KMT2E: variants seen among roughly 807,000 people sequenced by gnomAD.
KMT2E encodes the protein histone reader KMT2E.
A neutral mutation model predicts 184.6 loss-of-function variants in KMT2E; 30 were observed. The observed-to-expected ratio is 0.16, with a 90% CI of 0.12 to 0.22. The LOEUF is 0.22. Ranked by LOEUF, KMT2E falls within the 10% of genes least tolerant of loss-of-function variation. The pLI, the probability that KMT2E is intolerant of heterozygous loss-of-function variation, is 1.00. For missense variants in KMT2E, 2,023 were observed against 2,237.4 expected (o/e 0.90, Z 1.93); for synonymous variants, 815 against 776.5 (o/e 1.05, Z -0.82).
At chr7:105,035,022 AT>A (rs981054177) in intron 1 of KMT2E, among the ~76,000 whole-genome samples, 8,522 of 129,678 alleles carry the variant, frequency 0.066, 191 homozygotes, top group Middle Eastern at 0.1. Flanking sequence ...CACCTGGCTA[AT>A]TTTTTTTTTT....
intron 1 of KMT2E, among the ~76,000 whole-genome samples, chr7:105,034,213 A>G (rs1795540987): frequency 6.6e-6 from 1 of 152,242 alleles, no homozygotes; most frequent in East Asian, 1.9e-4. Context: ...TTGTGGTACA[A>G]TGTCCTGACT....
chr7:105,055,761 C>G (rs1030892507), intron 3 of KMT2E, among the ~76,000 whole-genome samples: 1 of 152,198 alleles, frequency 6.6e-6, no homozygotes, highest in Non-Finnish European at 1.5e-5. Flanking sequence ...TTTGCCTTCT[C>G]TATTTCATGG....
chr7:105,030,442 C>T (rs2129564517), intron 1 of KMT2E, among the ~76,000 whole-genome samples: 1 of 152,234 alleles, frequency 6.6e-6, no homozygotes, highest in African/African-American at 2.4e-5. Flanking sequence ...AAAAGACTTG[C>T]ATAATCAAAG....
intron 1 of KMT2E, among the ~76,000 whole-genome samples, chr7:105,024,466 G>T (rs1048202116): frequency 1.3e-5 from 2 of 152,166 alleles, no homozygotes; most frequent in Non-Finnish European, 2.9e-5. Flanking sequence ...CTGAAGTTAA[G>T]AATCTACATT....
chr7:105,084,766 T>C (rs1276219811), intron 13 of KMT2E, among the ~76,000 whole-genome samples: 1 of 152,174 alleles, frequency 6.6e-6, no homozygotes, highest in African/African-American at 2.4e-5. Flanking sequence ...GCATTTTACA[T>C]AGACACTCCC....
In KMT2E at chr7:105,081,710, G is replaced by A; in HGVS notation, c.1271G>A (p.Gly424Glu). ...TAGGTGAGGCATGAAATTCAAGATGGAACCATACATCTTTATATTTATTCT... is the reference window on the plus strand; with the variant it reads ...TAGGTGAGGCATGAAATTCAAGATGAAACCATACATCTTTATATTTATTCT... ...NAEVRHEIQD[G>E]TIHLYIYSIH... The change falls in exon 13 of 27, where the codon GGA becomes GAA. Residue 424 changes from glycine to glutamate, a missense_variant. Transcript: ENST00000311117. The A allele has an allele frequency of 6.7e-7, 1 of 1,489,918 alleles. No individual in the cohort carries two copies. The highest frequency in any genetic ancestry group is 2.4e-5 in the East Asian group (1 of 42,546). The allele number at this position is 1,489,918 out of a possible 1,614,324, so 92.3% of individuals were successfully genotyped here.
In KMT2E at chr7:105,016,393, G is replaced by T. The variant is rs140056659; in HGVS notation, c.-189+1858G>T. On this transcript the variant is annotated intron_variant, in intron 1 of 26. Transcript: ENST00000311117. ...CATCATTATGTAAGTTAAAAGTAAG[G>T]CTCCGATTCTGGATTTTTTTCCTCT... is the stretch of plus-strand genomic sequence containing the variant. 6.0e-3 allele frequency among the ~76,000 whole-genome samples: 907 copies of T among 152,216 alleles called. 4 individuals are homozygous for T. Among genetic ancestry groups the T allele is most frequent in the African/African-American group, 0.016 (674 of 41,522 alleles).
chr7:105,078,918 G>A lies in KMT2E; in HGVS notation c.1203G>A (p.Gly401=), dbSNP rs935310107. 3 of 1,612,038 alleles carry A rather than the reference G, an allele frequency of 1.9e-6. No homozygotes were observed. Among genetic ancestry groups the A allele is most frequent in the Non-Finnish European group, 8.5e-7 (1 of 1,178,442 alleles). The stretch of plus-strand genomic sequence containing the variant: ...TGTGTGTTGATGCAAGGACTTTTGG[G>A]AATGAGGCTCGATTCATCAGGCGGT... ...LEMCVDARTF[G]NEARFIRRSC... is the part of the protein sequence containing the mutation. The change falls in exon 12 of 27, where the codon GGG becomes GGA. Residue 401 remains glycine (G), a synonymous_variant. Transcript: ENST00000311117.
chr7:105,028,626 T>A (rs76527317), intron 1 of KMT2E, among the ~76,000 whole-genome samples: 6,546 of 152,082 alleles, frequency 0.043, 496 homozygotes, highest in African/African-American at 0.15. Flanking sequence ...CTAGCTTACC[T>A]CAGGTGTTCA....
intron 3 of KMT2E, among the ~76,000 whole-genome samples, chr7:105,051,484 T>C (rs528602352): frequency 6.6e-6 from 1 of 152,182 alleles, no homozygotes; most frequent in African/African-American, 2.4e-5. Flanking sequence ...TGCCCCTGCA[T>C]CATCTATTTC....
intron 2 of KMT2E, among the ~76,000 whole-genome samples, chr7:105,039,791 A>G (rs1343533443): frequency 2.0e-5 from 3 of 152,192 alleles, no homozygotes; most frequent in African/African-American, 7.2e-5. Context: ...ATTACATTAC[A>G]GAGACAAGGA....
chr7:105,071,606 ATATTTTTTTT>A (rs1360847401), intron 6 of KMT2E, among the ~76,000 whole-genome samples: 40 of 58,678 alleles, frequency 6.8e-4, no homozygotes, highest in African/African-American at 2.9e-3. Context: ...ATATATATAT[ATATTTTTTTT>A]TTTTTTTTTT....
Position 105,110,780 on chromosome 7 carries a change from C to A in KMT2E, c.3980C>A (p.Pro1327His). Residue 1327 changes from proline (P) to histidine (H), a missense_variant, in exon 26 of 27, where the codon CCT becomes CAT. Transcript: ENST00000311117. ...SFSELMEDPD[P>H]ENPEPTTTNE... Reference sequence around the variant, plus strand: ...TTCTTCTGCTTTATAGACCCTGATCCTGAAAATCCAGAACCCACAACTACG... The same window carrying A: ...TTCTTCTGCTTTATAGACCCTGATCATGAAAATCCAGAACCCACAACTACG... 6.2e-7 allele frequency: 1 copy of A among 1,613,720 alleles called. No homozygotes were observed. The highest frequency in any genetic ancestry group is 1.1e-5 in the South Asian group (1 of 91,080).
intron 12 of KMT2E, among the ~76,000 whole-genome samples, chr7:105,080,454 G>A (rs1418461381): frequency 6.6e-6 from 1 of 151,148 alleles, no homozygotes; most frequent in African/African-American, 2.4e-5. Context: ...AGGCTGGCCT[G>A]GAACTCCTGG....
At chr7:105,050,011 C>T (rs1208509797) in intron 3 of KMT2E, among the ~76,000 whole-genome samples, 1 of 152,206 alleles carries the variant, frequency 6.6e-6, no homozygotes, top group East Asian at 1.9e-4. Context: ...TTCCCTCTTG[C>T]CTGCAGTCAT....
At chr7:105,101,386 T>C (rs58469240) in intron 15 of KMT2E, 39 bp from the exon 16 acceptor site, 11 of 1,374,902 alleles carry the variant, frequency 8.0e-6, no homozygotes, top group African/African-American at 1.5e-5. Flanking sequence ...CTTTTGAGCA[T>C]TGATATTTAT....
rs756893449 is a variant in KMT2E at position 105,063,389 on chromosome 7, G to A, written c.225G>A (p.Pro75=). The A allele has an allele frequency of 1.9e-6, 3 of 1,612,802 alleles. No homozygotes were observed. Among genetic ancestry groups the A allele is most frequent in the Non-Finnish European group, 1.7e-6 (2 of 1,179,450 alleles). Residue 75 remains proline (P), a synonymous_variant, in exon 5 of 27, where the codon CCG becomes CCA. Transcript: ENST00000311117. The part of the protein sequence containing the change: ...NYGARPPPTP[P]ASPPPSVLIS... ...GTGCTCGTCCTCCTCCGACACCTCC[G>A]GCTTCCCCTCCTCCATCAGTCCTTA...
intron 11 of KMT2E, among the ~76,000 whole-genome samples, chr7:105,078,035 T>A (rs960021459): frequency 6.6e-5 from 10 of 152,350 alleles, no homozygotes; most frequent in African/African-American, 2.4e-4. Context: ...TGTTCATATC[T>A]GTAGGAGAAC....
chr7:105,064,074 A>T, intron 5 of KMT2E: 1 of 431,096 alleles, frequency 2.3e-6, no homozygotes, highest in South Asian at 1.6e-5. Context: ...CCCTCCCCCA[A>T]CCCTGGTTCA....
Sources: allele counts gnomAD v4.1 joint callset (sites outside exome capture counted in the v4.1 genomes callset), GRCh38; gene constraint gnomAD v4.1.1; transcripts MANE v1.5; gene names NCBI Gene and HGNC (gene_info 2026-07-23, HGNC 2026-07-21).